The following LUZP2 variants were observed in gnomAD, a reference collection of about 807,000 sequenced individuals.
LUZP2 encodes the protein leucine zipper protein 2.
LUZP2 carries 52 observed loss-of-function variants against 51.6 expected under a neutral mutation model. That is an observed-to-expected ratio of 1.01 (90% CI 0.81 to 1.27). LUZP2 has a LOEUF of 1.27. Among genes scored for constraint, LUZP2 ranks in the 50% most tolerant of loss-of-function variants. The probability of loss-of-function intolerance (pLI) is 0.00; values close to 1 mark genes in which losing one functional copy is unlikely to be tolerated. For synonymous variants in LUZP2, 154 were observed against 137.3 expected (o/e 1.12, Z -0.85); for missense variants, 436 against 395.4 (o/e 1.10, Z -0.87).
chr11:24,933,555 C>G (rs558205563), intron 7 of LUZP2, among the ~76,000 whole-genome samples: 4 of 152,060 alleles, frequency 2.6e-5, no homozygotes, highest in Non-Finnish European at 4.4e-5. Flanking sequence ...GACCATGATG[C>G]CTTCATGCTT....
chr11:24,984,622 T>C (rs1016722783), intron 9 of LUZP2, among the ~76,000 whole-genome samples: 1 of 146,512 alleles, frequency 6.8e-6, no homozygotes, highest in African/African-American at 2.5e-5. Flanking sequence ...TAGAAAAAGG[T>C]TAAAAATAAT....
intron 5 of LUZP2, among the ~76,000 whole-genome samples, chr11:24,879,698 G>T (rs1241142139): frequency 6.6e-6 from 1 of 152,010 alleles, no homozygotes; most frequent in Admixed American, 6.6e-5. Context: ...CCATATGTTT[G>T]TTGGCCATTA....
At chr11:24,934,324 C>T (rs990358167) in intron 7 of LUZP2, among the ~76,000 whole-genome samples, 6 of 152,114 alleles carry the variant, frequency 3.9e-5, no homozygotes, top group Admixed American at 1.3e-4. Context: ...TTACAGATTT[C>T]CCCTTACCTT....
rs188710911 is a variant in LUZP2, at chr11:24,824,456, A to G, written c.396+61148A>G. Among the ~76,000 whole-genome samples the G allele has an allele frequency of 1.4e-4, 21 of 149,810 alleles. 1 individual carries two copies. In the East Asian group the frequency reaches 4.1e-3, roughly 30 times the overall value. On this transcript the variant is annotated intron_variant, in intron 5 of 11. Coordinates refer to ENST00000336930, the MANE Select transcript of LUZP2 (RefSeq NM_001009909.4). ...GGTATTTCTGTTAGGGAAAACATGT[A>G]ATATTTGAGAAGGAACCGTCAAGAC...
At chr11:24,905,082 A>G (rs1853404635) in intron 5 of LUZP2, among the ~76,000 whole-genome samples, 1 of 152,150 alleles carries the variant, frequency 6.6e-6, no homozygotes, top group African/African-American at 2.4e-5. Flanking sequence ...TTGCAATTAC[A>G]TATGCATCCT....
chr11:24,878,748 C>T (rs1030826579), intron 5 of LUZP2, among the ~76,000 whole-genome samples: 24 of 151,636 alleles, frequency 1.6e-4, no homozygotes, highest in African/African-American at 4.3e-4. Flanking sequence ...CTTATTGACC[C>T]GTCCTCTATG....
At chr11:24,956,830 T>A (rs1855225248) in intron 7 of LUZP2, among the ~76,000 whole-genome samples, 1 of 152,106 alleles carries the variant, frequency 6.6e-6, no homozygotes, top group Non-Finnish European at 1.5e-5. Flanking sequence ...GATCAGCTAT[T>A]TCACATGCTA....
At chr11:24,783,769 T>C (rs1335117311) in intron 5 of LUZP2, among the ~76,000 whole-genome samples, 19 of 151,952 alleles carry the variant, frequency 1.3e-4, no homozygotes, top group Admixed American at 1.2e-3. Context: ...CATTTCTCTG[T>C]TGAGGAGGGG....
chr11:24,544,488 T>C (rs1042515116), intron 1 of LUZP2, among the ~76,000 whole-genome samples: 7 of 152,108 alleles, frequency 4.6e-5, no homozygotes, highest in African/African-American at 1.7e-4. Flanking sequence ...CCCTACTATG[T>C]GTCCATGAGT....
chr11:24,822,656 G>A (rs1242390195), intron 5 of LUZP2, among the ~76,000 whole-genome samples: 2 of 151,946 alleles, frequency 1.3e-5, no homozygotes. Context: ...TTTTGTCCAG[G>A]GTCTCAGCAT....
At chr11:24,799,369 G>A (rs1329946050) in intron 5 of LUZP2, among the ~76,000 whole-genome samples, 1 of 152,068 alleles carries the variant, frequency 6.6e-6, no homozygotes, top group African/African-American at 2.4e-5. Context: ...AGGCCAATGT[G>A]GGGGGATCAC....
At chr11:24,940,953 T>C (rs1854730531) in intron 7 of LUZP2, among the ~76,000 whole-genome samples, 1 of 152,220 alleles carries the variant, frequency 6.6e-6, no homozygotes. Flanking sequence ...TGTTTTGTTT[T>C]GTTTTGCATG....
intron 1 of LUZP2, among the ~76,000 whole-genome samples, chr11:24,587,026 G>T (rs1853088718): frequency 6.6e-6 from 1 of 151,968 alleles, no homozygotes; most frequent in Non-Finnish European, 1.5e-5. Context: ...AATTGCTAGG[G>T]AGATTTTCCT....
At chr11:24,586,209 C>G (rs1039569874) in intron 1 of LUZP2, among the ~76,000 whole-genome samples, 1 of 152,052 alleles carries the variant, frequency 6.6e-6, no homozygotes, top group Non-Finnish European at 1.5e-5. Flanking sequence ...CAATCATAGT[C>G]TGTAGAAACA....
chr11:24,971,160 A>G (rs1855725705), intron 7 of LUZP2, among the ~76,000 whole-genome samples: 1 of 151,998 alleles, frequency 6.6e-6, no homozygotes, highest in Non-Finnish European at 1.5e-5. Context: ...ATTATCCTCA[A>G]CCTTTGTGGC....
At chr11:24,535,611 A>G (rs1031636359) in intron 1 of LUZP2, among the ~76,000 whole-genome samples, 17 of 151,620 alleles carry the variant, frequency 1.1e-4, no homozygotes, top group Non-Finnish European at 1.9e-4. Context: ...ATTCAGTTGC[A>G]TCTTTAGATT....
chr11:24,660,477 C>A (rs1229089482), intron 1 of LUZP2, among the ~76,000 whole-genome samples: 3 of 152,044 alleles, frequency 2.0e-5, no homozygotes, highest in African/African-American at 7.2e-5. Flanking sequence ...GAAAAAAATA[C>A]CAACTTTAGT....
intron 10 of LUZP2, among the ~76,000 whole-genome samples, chr11:25,057,616 C>T (rs1446173): frequency 0.36 from 55,004 of 151,976 alleles, 12,526 homozygotes; most frequent in East Asian, 0.78. Context: ...TTTTAATTTT[C>T]ATTTAGGAAT....
chr11:24,884,795 T>A lies in LUZP2; in HGVS notation c.397-21196T>A, dbSNP rs1852617501. On this transcript the variant is annotated intron_variant, in intron 5 of 11. Transcript: ENST00000336930. ...AGGTGCTTCTCCAGAGACTTGTAGT[T>A]TTACTGTCAGGTTCCTTCATAGATT... Among the ~76,000 whole-genome samples, 4 of 152,070 alleles carry A rather than the reference T, an allele frequency of 2.6e-5. No homozygotes were observed. In the South Asian group the frequency reaches 8.3e-4, roughly 31 times the overall value.
Sources: allele counts gnomAD v4.1 joint callset (sites outside exome capture counted in the v4.1 genomes callset), GRCh38; gene constraint gnomAD v4.1.1; transcripts MANE v1.5; gene names NCBI Gene and HGNC (gene_info 2026-07-23, HGNC 2026-07-21).